The following RNF220 variants were observed in gnomAD, a reference collection of about 807,000 sequenced individuals.
The protein encoded by RNF220 is E3 ubiquitin-protein ligase RNF220.
RNF220 carries 7 observed loss-of-function variants against 67.1 expected under a neutral mutation model. The ratio of observed to expected loss-of-function variants is 0.10; its 90% CI spans 0.06 to 0.20. The LOEUF is 0.20. Among genes scored for constraint, RNF220 ranks in the 10% least tolerant of loss-of-function variants. The pLI is 1.00. For synonymous variants in RNF220, 270 were observed against 283.2 expected (o/e 0.95, Z 0.47); for missense variants, 565 against 740.3 (o/e 0.76, Z 2.75).
intron 2 of RNF220, among the ~76,000 whole-genome samples, chr1:44,495,807 C>T (rs1005719574): frequency 2.0e-5 from 3 of 152,134 alleles, no homozygotes; most frequent in Admixed American, 2.0e-4. Flanking sequence ...GAAAATAGAT[C>T]GGGAGAGCTA....
intron 2 of RNF220, among the ~76,000 whole-genome samples, chr1:44,571,735 G>A (rs1047503792): frequency 1.3e-5 from 2 of 152,082 alleles, no homozygotes; most frequent in African/African-American, 2.4e-5. Flanking sequence ...TCACTTTCCA[G>A]CCACCTACAG....
intron 2 of RNF220, among the ~76,000 whole-genome samples, chr1:44,474,717 TAAAAAC>T (rs1395872103): frequency 7.3e-5 from 11 of 151,348 alleles, no homozygotes; most frequent in African/African-American, 2.7e-4. Flanking sequence ...TCCGAAAAAA[TAAAAAC>T]AAAAACAACA....
intron 2 of RNF220, among the ~76,000 whole-genome samples, chr1:44,497,982 A>G (rs937554422): frequency 2.0e-5 from 3 of 152,184 alleles, no homozygotes; most frequent in African/African-American, 7.2e-5. Context: ...TTAAGCAAAA[A>G]CCAGTGGGGA....
At chr1:44,529,116 G>C (rs1043330280) in intron 2 of RNF220, among the ~76,000 whole-genome samples, 14 of 151,976 alleles carry the variant, frequency 9.2e-5, no homozygotes, top group African/African-American at 3.4e-4. Flanking sequence ...AAAATAATTA[G>C]ATATGTGGTC....
At position 44,417,980 on chromosome 1, in the gene RNF220, A is replaced by AC. The variant is rs928831354; in HGVS notation, c.625+5259dup. ...GAGCGCCCAGCCCGCGGCCGCACAC[A>AC]CGAGGGCCCGTCGCGCCCCCCGCCC... On this transcript the variant is annotated intron_variant, in intron 2 of 14. Transcript: ENST00000361799. The surrounding 1 kb of genome is among the most constrained non-coding windows in gnomAD (Gnocchi z 4.0). Among the ~76,000 whole-genome samples, 23 of 150,834 alleles carry AC rather than the reference A, an allele frequency of 1.5e-4. No individual in the cohort carries two copies. Among genetic ancestry groups the AC allele is most frequent in the African/African-American group, 5.6e-4 (23 of 41,042 alleles).
chr1:44,458,994 C>T (rs941285475), intron 2 of RNF220, among the ~76,000 whole-genome samples: 57 of 152,186 alleles, frequency 3.7e-4, no homozygotes, highest in African/African-American at 1.4e-3. Context: ...TTCCTCTCTC[C>T]CTTGCTCCTG....
intron 2 of RNF220, among the ~76,000 whole-genome samples, chr1:44,451,911 G>A (rs989716068): frequency 3.9e-5 from 6 of 152,168 alleles, no homozygotes; most frequent in African/African-American, 1.2e-4. Context: ...GAGCCACCGC[G>A]CCCAGCCTTA....
intron 2 of RNF220, among the ~76,000 whole-genome samples, chr1:44,507,617 C>T (rs1658551148): frequency 6.6e-6 from 1 of 151,802 alleles, no homozygotes; most frequent in Non-Finnish European, 1.5e-5. Flanking sequence ...CAACAAGTAG[C>T]GGGCAGGCTT....
At chr1:44,644,519 T>C in intron 8 of RNF220, 179 bp from the exon 9 acceptor site, 2 of 584,314 alleles carry the variant, frequency 3.4e-6, no homozygotes, top group Non-Finnish European at 6.1e-6. Flanking sequence ...GTTTGCAGAG[T>C]GAAGGGCCTG....
intron 2 of RNF220, among the ~76,000 whole-genome samples, chr1:44,511,727 G>A (rs1351696027): frequency 6.6e-6 from 1 of 152,182 alleles, no homozygotes; most frequent in Non-Finnish European, 1.5e-5. Context: ...AATTATGTCT[G>A]GAAAATCATA....
intron 2 of RNF220, among the ~76,000 whole-genome samples, chr1:44,596,527 C>A (rs112012048): frequency 1.3e-5 from 2 of 151,794 alleles, no homozygotes; most frequent in Non-Finnish European, 2.9e-5. Flanking sequence ...CCATTGCACT[C>A]CAACCTGGGG....
chr1:44,484,399 G>C (rs910364530), intron 2 of RNF220, among the ~76,000 whole-genome samples: 3 of 152,134 alleles, frequency 2.0e-5, no homozygotes, highest in Admixed American at 6.6e-5. Flanking sequence ...TGCCCAGGAA[G>C]AAGAGGAAGA....
intron 2 of RNF220, among the ~76,000 whole-genome samples, chr1:44,436,152 G>A (rs975012674): frequency 1.3e-5 from 2 of 152,054 alleles, no homozygotes; most frequent in South Asian, 2.1e-4. Context: ...AGCGCAGGGA[G>A]CTCTTGTCTT....
chr1:44,456,196 C>T (rs2147943664), intron 2 of RNF220, among the ~76,000 whole-genome samples: 1 of 152,232 alleles, frequency 6.6e-6, no homozygotes, highest in South Asian at 2.1e-4. Flanking sequence ...GAAAGAAGTT[C>T]CTTTCCACTG....
intron 2 of RNF220, among the ~76,000 whole-genome samples, chr1:44,552,851 G>T (rs1177788368): frequency 6.6e-6 from 1 of 152,192 alleles, no homozygotes; most frequent in East Asian, 1.9e-4. Flanking sequence ...TTACAGGCGT[G>T]AGCCACTGCG....
chr1:44,421,249 A>G (rs1029646901), intron 2 of RNF220, among the ~76,000 whole-genome samples: 5 of 152,076 alleles, frequency 3.3e-5, no homozygotes, highest in African/African-American at 7.2e-5. Context: ...ATCTCATGGT[A>G]TTTTCTTATT....
intron 2 of RNF220, among the ~76,000 whole-genome samples, chr1:44,434,442 C>G (rs1356242653): frequency 2.6e-5 from 4 of 152,136 alleles, no homozygotes; most frequent in African/African-American, 7.2e-5. Flanking sequence ...GGCGCGGTGG[C>G]TCACCCCTGT....
intron 4 of RNF220, among the ~76,000 whole-genome samples, chr1:44,623,706 G>A (rs1442933753): frequency 1.3e-5 from 2 of 152,232 alleles, no homozygotes. Flanking sequence ...AGGCCAAGGT[G>A]AGAATCTGAG....
At chr1:44,503,177 T>C (rs568024073) in intron 2 of RNF220, among the ~76,000 whole-genome samples, 1 of 151,548 alleles carries the variant, frequency 6.6e-6, no homozygotes, top group Non-Finnish European at 1.5e-5. Flanking sequence ...CTGCTGAAAA[T>C]ACAAAAATTA....
Sources: allele counts gnomAD v4.1 joint callset (sites outside exome capture counted in the v4.1 genomes callset), GRCh38; gene constraint gnomAD v4.1.1; non-coding constraint Gnocchi (gnomAD v3.1); transcripts MANE v1.5; gene names NCBI Gene and HGNC (gene_info 2026-07-23, HGNC 2026-07-21).